Variants in MDGA2 observed in about 807,000 individuals in gnomAD.
MDGA2 encodes MAM domain-containing glycosylphosphatidylinositol anchor protein 2.
MDGA2 carries 40 observed loss-of-function variants against 117.8 expected under a neutral mutation model. The ratio of observed to expected loss-of-function variants is 0.34; its 90% CI spans 0.26 to 0.44. MDGA2 has a LOEUF of 0.44. Among genes scored for constraint, MDGA2 ranks in the 20% least tolerant of loss-of-function variants. The pLI, the probability that MDGA2 is intolerant of heterozygous loss-of-function variation, is 1.00. For synonymous variants in MDGA2, 452 were observed against 439.0 expected (o/e 1.03, Z -0.37); for missense variants, 1,123 against 1,250.6 (o/e 0.90, Z 1.54).
intron 2 of MDGA2, among the ~76,000 whole-genome samples, chr14:47,247,631 A>ATTTTTT (rs1555366420): frequency 1.6e-4 from 8 of 50,970 alleles, no homozygotes; most frequent in South Asian, 6.2e-4. Flanking sequence ...ATCAGTACAT[A>ATTTTTT]TTTATTATTA....
intron 3 of MDGA2, among the ~76,000 whole-genome samples, chr14:47,152,749 C>A (rs1883209655): frequency 1.3e-5 from 2 of 151,554 alleles, no homozygotes; most frequent in Admixed American, 1.3e-4. Context: ...GAGATGTAAG[C>A]CAAATACAGA....
intron 3 of MDGA2, among the ~76,000 whole-genome samples, chr14:47,202,395 C>T (rs1013075161): frequency 6.6e-5 from 10 of 152,158 alleles, no homozygotes; most frequent in African/African-American, 2.2e-4. Flanking sequence ...ACAATACCTA[C>T]CCTTGGAAGC....
intron 1 of MDGA2, among the ~76,000 whole-genome samples, chr14:47,642,316 C>T (rs768364407): frequency 1.2e-4 from 18 of 152,088 alleles, no homozygotes; most frequent in African/African-American, 3.6e-4. Context: ...TAGAAAAGGG[C>T]GTGATATATA....
At chr14:47,221,289 A>G (rs891877496) in intron 2 of MDGA2, among the ~76,000 whole-genome samples, 1 of 149,674 alleles carries the variant, frequency 6.7e-6, no homozygotes, top group African/African-American at 2.4e-5. Flanking sequence ...TTGAAAGGGG[A>G]AAATGTGTCC....
At chr14:47,608,882 T>A (rs960685541) in intron 1 of MDGA2, among the ~76,000 whole-genome samples, 8 of 151,892 alleles carry the variant, frequency 5.3e-5, no homozygotes, top group Non-Finnish European at 1.5e-5. Context: ...TCTGGATATT[T>A]GTAGAAGCAG....
chr14:47,335,413 T>C (rs10143571), intron 1 of MDGA2, among the ~76,000 whole-genome samples: 27,624 of 150,674 alleles, frequency 0.18, 2,852 homozygotes, highest in East Asian at 0.44. Flanking sequence ...GAATGAGCCA[T>C]ATGGATATGT....
intron 1 of MDGA2, among the ~76,000 whole-genome samples, chr14:47,659,770 C>A (rs531712628): frequency 6.6e-6 from 1 of 152,078 alleles, no homozygotes; most frequent in African/African-American, 2.4e-5. Context: ...TAAGTACTCC[C>A]AAATATAGAA....
intron 1 of MDGA2, among the ~76,000 whole-genome samples, chr14:47,362,958 A>G (rs1891155363): frequency 1.3e-5 from 2 of 152,192 alleles, no homozygotes; most frequent in African/African-American, 4.8e-5. Context: ...TGCATCCTTG[A>G]TGCAAAAGCA....
intron 1 of MDGA2, among the ~76,000 whole-genome samples, chr14:47,586,553 G>A (rs917433476): frequency 2.0e-5 from 3 of 151,860 alleles, no homozygotes; most frequent in East Asian, 1.9e-4. Flanking sequence ...CAAGTCCACT[G>A]GGCACATCTG....
At chr14:47,625,191 G>A (rs34428393) in intron 1 of MDGA2, among the ~76,000 whole-genome samples, 47,272 of 151,840 alleles carry the variant, frequency 0.31, 8,098 homozygotes, top group Middle Eastern at 0.41. Context: ...ATTTATCTTG[G>A]AATGCTTTTC....
chr14:47,488,779 A>G (rs938118844), intron 1 of MDGA2, among the ~76,000 whole-genome samples: 1 of 152,074 alleles, frequency 6.6e-6, no homozygotes, highest in Admixed American at 6.6e-5. Flanking sequence ...ATGATAATTC[A>G]TAACACTCTG....
chr14:47,392,740 G>C (rs1891924852), intron 1 of MDGA2, among the ~76,000 whole-genome samples: 1 of 151,876 alleles, frequency 6.6e-6, no homozygotes, highest in South Asian at 2.1e-4. Flanking sequence ...TCCAGAGGTA[G>C]ACATACATAT....
intron 1 of MDGA2, among the ~76,000 whole-genome samples, chr14:47,529,659 C>G (rs1358225351): frequency 6.6e-6 from 1 of 151,918 alleles, no homozygotes; most frequent in Non-Finnish European, 1.5e-5. Context: ...CATTCTGAAC[C>G]CTTGACTTAA....
chr14:47,282,548 AT>A (rs1888530463), intron 2 of MDGA2, among the ~76,000 whole-genome samples: 1 of 148,966 alleles, frequency 6.7e-6, no homozygotes, highest in Non-Finnish European at 1.5e-5. Context: ...ACACACACAA[AT>A]TAGCCGGGTG....
At chr14:46,852,286 T>C (rs997431291) in intron 15 of MDGA2, among the ~76,000 whole-genome samples, 2 of 151,388 alleles carry the variant, frequency 1.3e-5, no homozygotes, top group East Asian at 3.9e-4. Context: ...TTCAGGATAC[T>C]AGATATCAGA....
chr14:47,029,491 C>T lies in MDGA2; in HGVS notation c.1819+5520G>A, dbSNP rs574269827. ...TTTGGTTTTTAGTATATATTTTATA[C>T]CGCTTAACAGAAATATCATGTCATT... On this transcript the variant is annotated intron_variant, in intron 8 of 16. Transcript: ENST00000399232. 1.5e-3 allele frequency among the ~76,000 whole-genome samples: 224 copies of T among 152,176 alleles called. 1 individual carries two copies. Among genetic ancestry groups the T allele is most frequent in the African/African-American group, 5.1e-3 (210 of 41,526 alleles).
intron 1 of MDGA2, among the ~76,000 whole-genome samples, chr14:47,394,909 C>G (rs1027546607): frequency 1.3e-5 from 2 of 152,014 alleles, no homozygotes; most frequent in African/African-American, 4.8e-5. Flanking sequence ...TCCCAGCAAT[C>G]TGGGAGGCTG....
At chr14:47,345,457 G>C (rs552626170) in intron 1 of MDGA2, among the ~76,000 whole-genome samples, 16 of 152,000 alleles carry the variant, frequency 1.1e-4, no homozygotes, top group Non-Finnish European at 8.8e-5. Flanking sequence ...TGCAAGTGAA[G>C]TATCAAGAGA....
intron 3 of MDGA2, among the ~76,000 whole-genome samples, chr14:47,213,071 T>C (rs1885944025): frequency 6.6e-6 from 1 of 152,152 alleles, no homozygotes; most frequent in Admixed American, 6.6e-5. Context: ...CCTTTTTTGT[T>C]TACTTCTTAG....
Sources: gnomAD v4.1 joint callset for allele counts (sites outside exome capture counted in the v4.1 genomes callset) on GRCh38, gnomAD v4.1.1 for gene constraint, MANE v1.5 for transcripts, NCBI Gene and HGNC (gene_info 2026-07-23, HGNC 2026-07-21) for gene names.